GAS2: variants seen among roughly 807,000 people sequenced by gnomAD.
The protein encoded by GAS2 is growth arrest specific 2, also known as growth arrest-specific protein 2.
In GAS2, 20 loss-of-function variants were observed where a neutral mutation model predicts 37.5. The observed-to-expected ratio is 0.53, with a 90% confidence interval of 0.37 to 0.77. GAS2 has a LOEUF of 0.77. GAS2 is among the 30% of genes least tolerant of loss of function. The pLI is 0.00. For synonymous variants in GAS2, 144 were observed against 132.2 expected (o/e 1.09, Z -0.61); for missense variants, 336 against 373.4 (o/e 0.90, Z 0.82).
upstream of GAS2, among the ~76,000 whole-genome samples, chr11:22,662,524 A>G (rs1343889081): frequency 2.0e-5 from 3 of 152,242 alleles, no homozygotes; most frequent in Admixed American, 6.5e-5. Context: ...GGAAAAGACA[A>G]GAAAGGTTGT....
chr11:22,712,173 C>T (rs558504554), intron 3 of GAS2, among the ~76,000 whole-genome samples: 1 of 152,358 alleles, frequency 6.6e-6, no homozygotes, highest in Admixed American at 6.5e-5. Context: ...TACCACCTGA[C>T]ACACCCTGGC....
chr11:22,635,671 T>C lies in GAS2; in HGVS notation c.-21+9858T>C, dbSNP rs143641032. On this transcript the variant is annotated intron_variant, in intron 1 of 5. Transcript: ENST00000528582. ...TTCTCACCAAAGTGGTTCATCCCTG[T>C]TCAAGATTATATTGTGAATCTCCAC... 4.2e-3 allele frequency among the ~76,000 whole-genome samples: 644 copies of C among 152,326 alleles called. 7 individuals carry two copies. Among genetic ancestry groups the C allele is most frequent in the African/African-American group, 0.015 (623 of 41,574 alleles).
chr11:22,650,949 G>A (rs1405523247), intron 1 of GAS2, among the ~76,000 whole-genome samples: 1 of 151,984 alleles, frequency 6.6e-6, no homozygotes, highest in African/African-American at 2.4e-5. Flanking sequence ...GTGTGAATTT[G>A]ATCCTGTCAT....
chr11:22,723,908 G>T (rs1183985551), intron 3 of GAS2, among the ~76,000 whole-genome samples: 1 of 150,902 alleles, frequency 6.6e-6, no homozygotes, highest in Non-Finnish European at 1.5e-5. Flanking sequence ...TTTAAATTTG[G>T]TAGTATTGAT....
chr11:22,716,767 C>T (rs1321163441), intron 3 of GAS2, among the ~76,000 whole-genome samples: 1 of 152,012 alleles, frequency 6.6e-6, no homozygotes, highest in African/African-American at 2.4e-5. Flanking sequence ...CCTTAAAAAA[C>T]TCCTAGATCT....
intron 1 of GAS2, among the ~76,000 whole-genome samples, chr11:22,635,400 G>A (rs1365638733): frequency 6.6e-6 from 1 of 152,168 alleles, no homozygotes; most frequent in Non-Finnish European, 1.5e-5. Context: ...GTAGTACATA[G>A]CAGTAGGCCT....
intron 1 of GAS2, among the ~76,000 whole-genome samples, chr11:22,655,763 CA>C (rs1306414083): frequency 6.6e-6 from 1 of 152,160 alleles, no homozygotes; most frequent in Non-Finnish European, 1.5e-5. Context: ...CAAACCAAAC[CA>C]TAAGATGTAA....
rs190051892 is a variant in GAS2 at position 22,685,147 on chromosome 11, C to T, written c.146-521C>T. On this transcript the variant is annotated intron_variant, in intron 2 of 7. Transcript: ENST00000454584. ...TGCCACTGCACTCCAGATTGCGTGA[C>T]AGAGTACAATCCTGTAGAGAGAGAG... 1.6e-4 allele frequency among the ~76,000 whole-genome samples: 24 copies of T among 146,744 alleles called. No individual in the cohort carries two copies. The East Asian group carries it at 4.6e-3, about 28-fold the overall frequency.
chr11:22,675,087 T>C, intron 2 of GAS2, 73 bp downstream of exon 2: 1 of 1,452,256 alleles, frequency 6.9e-7, no homozygotes, highest in Non-Finnish European at 9.4e-7. Context: ...GTAGTGTCCT[T>C]CACCTAAGCA....
chr11:22,711,138 A>T (rs10833803), intron 3 of GAS2, among the ~76,000 whole-genome samples: 94,126 of 152,068 alleles, frequency 0.62, 33,778 homozygotes, highest in Non-Finnish European at 0.8. Context: ...AGCTGAAAAA[A>T]CTATGAGTTC....
intron 7 of GAS2, among the ~76,000 whole-genome samples, chr11:22,811,085 T>C (rs1857138071): frequency 6.6e-6 from 1 of 152,148 alleles, no homozygotes. Flanking sequence ...CTCCATGATA[T>C]ATTTTACTAG....
intron 1 of GAS2, among the ~76,000 whole-genome samples, chr11:22,635,353 C>A (rs1412940650): frequency 6.6e-6 from 1 of 152,158 alleles, no homozygotes; most frequent in Admixed American, 6.5e-5. Flanking sequence ...AGCACAGCTG[C>A]CTTTGTTGTG....
chr11:22,628,003 A>T (rs1184333074), intron 1 of GAS2, among the ~76,000 whole-genome samples: 1 of 152,188 alleles, frequency 6.6e-6, no homozygotes, highest in Non-Finnish European at 1.5e-5. Flanking sequence ...TATGCAGATT[A>T]ACTTTAGCTT....
chr11:22,660,852 T>G (rs1297494102), intron 1 of GAS2, among the ~76,000 whole-genome samples: 2 of 152,214 alleles, frequency 1.3e-5, no homozygotes, highest in East Asian at 3.8e-4. Context: ...TTCTCTCACT[T>G]TGGGCTTGGA....
intron 1 of GAS2, among the ~76,000 whole-genome samples, chr11:22,635,851 T>G (rs996960898): frequency 3.9e-5 from 6 of 152,168 alleles, no homozygotes; most frequent in African/African-American, 1.4e-4. Context: ...TCTTTACCAC[T>G]CACTAAATCA....
At chr11:22,720,255 A>G (rs1250614834) in intron 3 of GAS2, among the ~76,000 whole-genome samples, 1 of 152,000 alleles carries the variant, frequency 6.6e-6, no homozygotes, top group Non-Finnish European at 1.5e-5. Context: ...ATAAAGTGGA[A>G]TTTATCTTGG....
chr11:22,755,666 T>C, intron 6 of GAS2, 180 bp from the exon 7 acceptor site: 1 of 504,634 alleles, frequency 2.0e-6, no homozygotes, highest in South Asian at 2.7e-5. Flanking sequence ...TCAGATGTCT[T>C]TGGGGCCTGA....
At chr11:22,631,394 TG>T (rs1463568680) in intron 1 of GAS2, among the ~76,000 whole-genome samples, 1 of 152,138 alleles carries the variant, frequency 6.6e-6, no homozygotes. Flanking sequence ...GTGATGAAAG[TG>T]GACATCTTTG....
intron 3 of GAS2, among the ~76,000 whole-genome samples, chr11:22,705,614 G>A (rs1851077272): frequency 6.6e-6 from 1 of 152,124 alleles, no homozygotes; most frequent in African/African-American, 2.4e-5. Context: ...CCCACCAGTG[G>A]TTCTCAACTT....
Sources: allele counts gnomAD v4.1 joint callset (sites outside exome capture counted in the v4.1 genomes callset), GRCh38; gene constraint gnomAD v4.1.1; transcripts MANE v1.5; gene names NCBI Gene and HGNC (gene_info 2026-07-23, HGNC 2026-07-21).